CFAP91: variants seen among roughly 807,000 people sequenced by gnomAD.
The protein encoded by CFAP91 is cilia and flagella associated protein 91, also known as cilia- and flagella-associated protein 91.
Under a neutral mutation model 95.9 loss-of-function variants are expected in CFAP91, and 85 were observed. The observed-to-expected ratio is 0.89, with a 90% CI of 0.74 to 1.06. The LOEUF is 1.06. Among genes scored for constraint, CFAP91 ranks in the 50% least tolerant of loss-of-function variants. The probability of loss-of-function intolerance (pLI) is 0.00; values close to 1 mark genes in which losing one functional copy is unlikely to be tolerated. For synonymous variants in CFAP91, 335 were observed against 327.5 expected, an observed-to-expected ratio of 1.02 and a Z score of -0.25; for missense variants, 962 against 943.4, an observed-to-expected ratio of 1.02 and a Z score of -0.26.
chr3:119,747,112 C>T lies in CFAP91; in HGVS notation c.1903-3C>T, dbSNP rs376525487. 12 of 1,548,116 alleles carry T rather than the reference C, an allele frequency of 7.8e-6. No individual in the cohort carries two copies. The African/African-American group carries it at 1.5e-4, about 20-fold the overall frequency. ...TTAGTGAGGGTATTATTGTTTTTTG[C>T]AGGTGGTTAAAGTTCACCATAGTAC... On this transcript the variant is annotated splice_region_variant and splice_polypyrimidine_tract_variant and intron_variant, in intron 14 of 17. Coordinates refer to ENST00000273390, the MANE Select transcript of CFAP91 (RefSeq NM_033364.4).
At chr3:119,708,489 G>A in intron 3 of CFAP91, 102 bp from the exon 4 acceptor site, 1 of 743,176 alleles carries the variant, frequency 1.3e-6, no homozygotes, top group Non-Finnish European at 2.3e-6. Context: ...CTCAGTATGA[G>A]ATACTCTGTG....
At chr3:119,757,626 G>A (rs2054458329) in intron 17 of CFAP91, among the ~76,000 whole-genome samples, 1 of 152,158 alleles carries the variant, frequency 6.6e-6, no homozygotes, top group Non-Finnish European at 1.5e-5. Context: ...CAGCCTGAGT[G>A]ACAGAGCAAG....
rs751578095 is a variant in CFAP91 at position 119,740,612 on chromosome 3, CAAG to C, written c.1602_1604del (p.Glu534del). ...GGAGTTGCGCACCTGCCACGCACTA[CAAG>C]AAGATGAAAAGCTGGTGAAAAAAGC... On this transcript the variant is annotated inframe_deletion, in exon 13 of 18. Coordinates refer to ENST00000273390, the MANE Select transcript of CFAP91 (RefSeq NM_033364.4). 1.2e-6 allele frequency: 2 copies of C among 1,614,086 alleles called. No individual in the cohort carries two copies. Among genetic ancestry groups the C allele is most frequent in the African/African-American group, 1.3e-5 (1 of 74,932 alleles).
At chr3:119,735,909 TCTTATA>T (rs142613931) in intron 10 of CFAP91, among the ~76,000 whole-genome samples, 2,490 of 152,238 alleles carry the variant, frequency 0.016, 59 homozygotes, top group African/African-American at 0.057. Context: ...CTTCTGCTCT[TCTTATA>T]CTTATATCGA....
In CFAP91 at chr3:119,733,368, A is replaced by G. The variant is rs769640266; in HGVS notation, c.1206A>G (p.Leu402=). ...KNYYLNTYEG[L]VELESCLPDF... is the part of the protein sequence containing the mutation. ...ACATGTGCTTCCTTCCCATAGGATT[A>G]GTGGAACTTGAGTCATGTCTCCCAG... The change falls in exon 10 of 18, where the codon TTA becomes TTG. Residue 402 remains leucine (L), a synonymous_variant. Coordinates refer to ENST00000273390, the MANE Select transcript of CFAP91 (RefSeq NM_033364.4). 3 of 1,614,032 alleles carry G rather than the reference A, an allele frequency of 1.9e-6. No homozygotes were observed. Among genetic ancestry groups the G allele is most frequent in the Admixed American group, 3.3e-5 (2 of 60,008 alleles).
intron 1 of CFAP91, among the ~76,000 whole-genome samples, chr3:119,704,962 T>C (rs1327375816): frequency 6.6e-6 from 1 of 152,150 alleles, no homozygotes; most frequent in Non-Finnish European, 1.5e-5. Context: ...ATAGCCTAGG[T>C]GTGGAGTAGG....
chr3:119,724,939 TAGTGAA>T (rs552820200), intron 6 of CFAP91, among the ~76,000 whole-genome samples: 76 of 152,206 alleles, frequency 5.0e-4, no homozygotes, highest in Admixed American at 1.4e-3. Context: ...AAACAAGAGA[TAGTGAA>T]TTCATATATT....
chr3:119,748,439 T>C (rs2054265260), intron 16 of CFAP91, among the ~76,000 whole-genome samples: 2 of 152,156 alleles, frequency 1.3e-5, no homozygotes, highest in Admixed American at 1.3e-4. Context: ...TTTTAGTCAA[T>C]AGAGAAAGAG....
In CFAP91 at chr3:119,739,255, G is replaced by A; in HGVS notation, c.1462G>A (p.Glu488Lys). 3 of 1,613,346 alleles carry A rather than the reference G, an allele frequency of 1.9e-6. No homozygotes were observed. Among genetic ancestry groups the A allele is most frequent in the East Asian group, 4.5e-5 (2 of 44,870 alleles). The change falls in exon 12 of 18, where the codon GAA becomes AAA. Residue 488 changes from glutamate (E) to lysine (K), a missense_variant and splice_region_variant. Coordinates refer to ENST00000273390, the MANE Select transcript of CFAP91 (RefSeq NM_033364.4). ...CTTGGTTCTCCCTTTGTTCTTTTAG[G>A]AAGAAGAAGAAATGGAAATGGCTGT... ...PTPTLEMTSN[E>K]EEEMEMAVIY... is the part of the protein sequence containing the mutation.
rs2053602248 is a variant in CFAP91 at position 119,717,593 on chromosome 3, A to G, written c.682+1850A>G. Among the ~76,000 whole-genome samples the G allele has an allele frequency of 2.7e-5, 4 of 146,608 alleles. No individual in the cohort carries two copies. The South Asian group carries it at 8.9e-4, about 33-fold the overall frequency. On this transcript the variant is annotated intron_variant, in intron 6 of 17. Transcript: ENST00000273390. The stretch of plus-strand genomic sequence containing the variant: ...TTCACAAACATCTTTATAACAAGTT[A>G]AAAGGACAAGTTTAAATTGGAATTC...
Position 119,732,344 on chromosome 3 carries a change from A to G in CFAP91, c.1069A>G (p.Arg357Gly). The G allele has an allele frequency of 6.2e-7, 1 of 1,611,794 alleles. No homozygotes were observed. The highest frequency in any genetic ancestry group is 8.5e-7 in the Non-Finnish European group (1 of 1,178,700). The change falls in exon 9 of 18, where the codon AGA becomes GGA. Residue 357 changes from arginine (R) to glycine (G), a missense_variant. Physicochemically the swap from Arg to Gly is moderately radical, Grantham distance 125 (BLOSUM62 -2). Transcript: ENST00000273390. Reference protein sequence around the residue: ...KRKNIEGKLERRNIIKDYSDY... With the variant: ...KRKNIEGKLEGRNIIKDYSDY... ...AAAGAATATAGAAGGGAAGTTGGAG[A>G]GAAGAAATATCATCAAGGATTATTC...
At chr3:119,765,017 A>C (rs2054603898) in intron 17 of CFAP91, 35 bp from the exon 18 acceptor site, 1 of 152,216 alleles carries the variant, frequency 6.6e-6, no homozygotes, top group Non-Finnish European at 1.5e-5. Context: ...AAAAGATGAC[A>C]TAATCATAAA....
At chr3:119,738,019 G>T (rs928532941) in intron 11 of CFAP91, among the ~76,000 whole-genome samples, 11 of 152,192 alleles carry the variant, frequency 7.2e-5, no homozygotes, top group Non-Finnish European at 1.3e-4. Context: ...TGTTAGAGAT[G>T]CCATGATGCA....
At chr3:119,719,408 A>T (rs71325399) in intron 6 of CFAP91, among the ~76,000 whole-genome samples, 23,959 of 152,126 alleles carry the variant, frequency 0.16, 2,050 homozygotes, top group Admixed American at 0.2. Flanking sequence ...CTGTACATTC[A>T]TGAAAAGTTT....
intron 17 of CFAP91, 96 bp downstream of exon 17, chr3:119,751,194 A>G: frequency 7.4e-7 from 1 of 1,356,844 alleles, no homozygotes; most frequent in South Asian, 1.6e-5. Context: ...TAATGTGAAG[A>G]TTGCTGTTTA....
At chr3:119,745,005 G>C (rs558162029) in intron 14 of CFAP91, among the ~76,000 whole-genome samples, 1 of 152,214 alleles carries the variant, frequency 6.6e-6, no homozygotes, top group South Asian at 2.1e-4. Flanking sequence ...GCAGAGAAAG[G>C]AAAAAGCTGG....
chr3:119,762,143 G>A (rs1430638039), intron 17 of CFAP91, among the ~76,000 whole-genome samples: 2 of 151,576 alleles, frequency 1.3e-5, no homozygotes, highest in Admixed American at 6.6e-5. Context: ...TTAATTTACG[G>A]GTACAAAATC....
At chr3:119,706,907 A>G in intron 2 of CFAP91, 22 bp downstream of exon 2, 1 of 1,581,648 alleles carries the variant, frequency 6.3e-7, no homozygotes, top group South Asian at 1.1e-5. Context: ...TCATCAGCCA[A>G]GGCTACCTGA....
chr3:119,738,931 A>G (rs192761137), intron 11 of CFAP91, among the ~76,000 whole-genome samples: 1 of 152,328 alleles, frequency 6.6e-6, no homozygotes, highest in Admixed American at 6.5e-5. Context: ...ATGATGTTAT[A>G]TGCAATACTT....
Sources: allele counts gnomAD v4.1 joint callset (sites outside exome capture counted in the v4.1 genomes callset), GRCh38; gene constraint gnomAD v4.1.1; transcripts MANE v1.5; gene names NCBI Gene and HGNC (gene_info 2026-07-23, HGNC 2026-07-21).